The following SLC23A2 variants were observed in gnomAD, a reference collection of about 807,000 sequenced individuals.
The protein encoded by SLC23A2 is Na(+)/L-ascorbic acid transporter 2.
SLC23A2 carries 36 observed loss-of-function variants against 73.3 expected under a neutral mutation model. That is an observed-to-expected ratio of 0.49 (90% CI 0.38 to 0.65). SLC23A2 has a LOEUF of 0.65. Ranked by LOEUF, SLC23A2 falls within the 30% of genes least tolerant of loss-of-function variation. The pLI is 0.00. For synonymous variants in SLC23A2, 343 were observed against 327.3 expected (o/e 1.05, Z -0.52); for missense variants, 507 against 841.6 (o/e 0.60, Z 4.92).
At chr20:4,930,937 G>A (rs1291169316) in intron 3 of SLC23A2, among the ~76,000 whole-genome samples, 4 of 149,796 alleles carry the variant, frequency 2.7e-5, no homozygotes, top group East Asian at 1.9e-4. Context: ...ATGATTGTAC[G>A]ACTGCCCTCC....
intron 2 of SLC23A2, among the ~76,000 whole-genome samples, chr20:4,965,782 T>C (rs948625660): frequency 1.3e-5 from 2 of 151,954 alleles, no homozygotes; most frequent in Non-Finnish European, 2.9e-5. Flanking sequence ...GTGTGGCCAA[T>C]GTGGAGAAAC....
chr20:4,912,318 G>A (rs1010245827), intron 4 of SLC23A2, among the ~76,000 whole-genome samples: 2 of 151,892 alleles, frequency 1.3e-5, no homozygotes, highest in Non-Finnish European at 2.9e-5. Context: ...AAGGTGCTAC[G>A]GTCAAAACTC....
At chr20:4,994,505 C>T (rs1248928586) in intron 1 of SLC23A2, among the ~76,000 whole-genome samples, 13 of 152,174 alleles carry the variant, frequency 8.5e-5, no homozygotes, top group Admixed American at 2.6e-4. Context: ...ATTGTGTTGG[C>T]CAGGTGCGGC....
intron 1 of SLC23A2, among the ~76,000 whole-genome samples, chr20:4,975,078 G>T (rs2087622696): frequency 6.6e-6 from 1 of 152,170 alleles, no homozygotes; most frequent in Non-Finnish European, 1.5e-5. Flanking sequence ...GAGCCACCGT[G>T]CCTGGCCAAA....
At chr20:4,935,565 A>G (rs1252856538) in intron 2 of SLC23A2, among the ~76,000 whole-genome samples, 1 of 152,044 alleles carries the variant, frequency 6.6e-6, no homozygotes, top group Non-Finnish European at 1.5e-5. Context: ...TTGGGAGGCC[A>G]AGGCAGGCGG....
intron 4 of SLC23A2, among the ~76,000 whole-genome samples, chr20:4,905,343 GC>G (rs890888921): frequency 6.6e-6 from 1 of 152,026 alleles, no homozygotes; most frequent in Admixed American, 6.6e-5. Flanking sequence ...CAGACGCTGT[GC>G]CCCCCCTCCT....
At chr20:4,980,481 T>C (rs1376487015) in intron 1 of SLC23A2, among the ~76,000 whole-genome samples, 1 of 151,844 alleles carries the variant, frequency 6.6e-6, no homozygotes, top group African/African-American at 2.4e-5. Context: ...ATCTCTACTT[T>C]GAAAAAAATA....
intron 3 of SLC23A2, among the ~76,000 whole-genome samples, chr20:4,926,300 G>A (rs1054876489): frequency 1.3e-5 from 2 of 152,190 alleles, no homozygotes; most frequent in Non-Finnish European, 2.9e-5. Context: ...CGCTTTCCCT[G>A]ACTCTGAATG....
At chr20:4,943,743 T>TA (rs1274749283) in intron 2 of SLC23A2, among the ~76,000 whole-genome samples, 1 of 152,054 alleles carries the variant, frequency 6.6e-6, no homozygotes, top group East Asian at 1.9e-4. Flanking sequence ...GACACTGTTT[T>TA]ATTTATAACA....
At chr20:4,887,767 T>C (rs1290411501) in intron 6 of SLC23A2, among the ~76,000 whole-genome samples, 2 of 152,242 alleles carry the variant, frequency 1.3e-5, no homozygotes, top group Non-Finnish European at 2.9e-5. Flanking sequence ...CAGCATTATG[T>C]GTTCACGTCT....
At chr20:4,859,413 C>T in intron 15 of SLC23A2, 29 bp from the exon 16 acceptor site, 2 of 1,460,404 alleles carry the variant, frequency 1.4e-6, no homozygotes, top group Non-Finnish European at 9.6e-7. Context: ...CATAAACGAT[C>T]AGTGCCACAG....
intron 3 of SLC23A2, among the ~76,000 whole-genome samples, chr20:4,922,083 T>C (rs1932515597): frequency 6.6e-6 from 1 of 152,192 alleles, no homozygotes; most frequent in African/African-American, 2.4e-5. Context: ...GCTTAGATTA[T>C]GGTAAAGAAA....
At chr20:4,992,008 G>A (rs2122329742) in intron 1 of SLC23A2, among the ~76,000 whole-genome samples, 1 of 152,176 alleles carries the variant, frequency 6.6e-6, no homozygotes, top group South Asian at 2.1e-4. Flanking sequence ...TACTCGGGAG[G>A]CTGAGGCAGG....
chr20:4,889,578 C>T (rs536755834), intron 6 of SLC23A2, among the ~76,000 whole-genome samples: 34 of 151,416 alleles, frequency 2.2e-4, no homozygotes, highest in African/African-American at 7.5e-4. Context: ...TTTTAATTCC[C>T]TTTGGCATCC....
Position 4,947,730 on chromosome 20 carries a change from G to A in SLC23A2, c.-154-15014C>T, listed in dbSNP as rs1216403093. On this transcript the variant is annotated intron_variant, in intron 2 of 16. Transcript: ENST00000338244. The surrounding 1 kb of genome is among the most constrained non-coding windows in gnomAD (Gnocchi z 4.4). ...CCAACAATCATTCTGGAAGACAAAC[G>A]TTGTTCGTGTTACCTTCCAAGCTAA... Among the ~76,000 whole-genome samples the A allele has an allele frequency of 2.0e-5, 3 of 152,168 alleles. No homozygotes were observed. Among genetic ancestry groups the A allele is most frequent in the African/African-American group, 7.2e-5 (3 of 41,440 alleles).
rs1432797385 is a variant in SLC23A2, at chr20:4,912,955, G to A, written c.132C>T (p.Thr44=). The A allele has an allele frequency of 1.9e-6, 3 of 1,612,538 alleles. No homozygotes were observed. The highest frequency in any genetic ancestry group is 2.5e-6 in the Non-Finnish European group (3 of 1,178,972). The part of the protein sequence containing the change: ...TLPVVINGGA[T]SSGEQDNEDT... Reference sequence around the variant, plus strand: ...CCTCATTGTCCTGCTCACCGCTGGAGGTGGCGCCTCCATTTATCACCACCT... The same window carrying A: ...CCTCATTGTCCTGCTCACCGCTGGAAGTGGCGCCTCCATTTATCACCACCT... Residue 44 remains threonine, a synonymous_variant, in exon 4 of 17, where the codon ACC becomes ACT. Coordinates refer to ENST00000338244, the MANE Select transcript of SLC23A2 (RefSeq NM_005116.6).
chr20:4,892,476 C>T (rs938152422), intron 6 of SLC23A2, among the ~76,000 whole-genome samples: 14 of 152,160 alleles, frequency 9.2e-5, no homozygotes, highest in Non-Finnish European at 2.1e-4. Flanking sequence ...CATGAGCCAC[C>T]GTGCCCAGCC....
chr20:4,857,277 AACACATACACACAC>A lies in SLC23A2; in HGVS notation c.1721-87_1721-74del, dbSNP rs1250570058. The A allele has an allele frequency of 8.5e-6, 5 of 590,038 alleles. No individual in the cohort carries two copies. The highest frequency in any genetic ancestry group is 6.3e-5 in the East Asian group (2 of 31,558). 36.6% of individuals were successfully genotyped at this position (590,038 alleles called of 1,614,324 possible). On this transcript the variant is annotated intron_variant, in intron 16 of 16. Transcript: ENST00000338244. The surrounding 1 kb of genome is among the most constrained non-coding windows in gnomAD (Gnocchi z 4.0). ...TCTACTGAAAATGAAACTGTCGTCAAACACATACACACACACACACACACACACACACACACACA... is the reference window on the plus strand; with the variant it reads ...TCTACTGAAAATGAAACTGTCGTCAAACACACACACACACACACACACACA...
intron 3 of SLC23A2, among the ~76,000 whole-genome samples, chr20:4,921,453 G>A (rs1431274069): frequency 1.3e-5 from 2 of 152,022 alleles, no homozygotes; most frequent in Non-Finnish European, 2.9e-5. Flanking sequence ...GGGCGTGGTG[G>A]TGCATGCCTG....
Sources: allele counts gnomAD v4.1 joint callset (sites outside exome capture counted in the v4.1 genomes callset), GRCh38; gene constraint gnomAD v4.1.1; non-coding constraint Gnocchi (gnomAD v3.1); transcripts MANE v1.5; gene names NCBI Gene and HGNC (gene_info 2026-07-23, HGNC 2026-07-21).